The following KIAA1328 variants were observed in gnomAD, a reference collection of about 807,000 sequenced individuals.
KIAA1328 encodes protein hinderin.
Under a neutral mutation model 68.1 loss-of-function variants are expected in KIAA1328, and 52 were observed. The observed-to-expected ratio is 0.76, with a 90% CI of 0.61 to 0.96. The LOEUF is 0.96. Ranked by LOEUF, KIAA1328 falls within the 40% of genes least tolerant of loss-of-function variation. The probability of loss-of-function intolerance (pLI) is 0.00; values close to 1 mark genes in which losing one functional copy is unlikely to be tolerated. For missense variants in KIAA1328, 641 were observed against 677.6 expected, an observed-to-expected ratio of 0.95 and a Z score of 0.60; for synonymous variants, 232 against 239.4, an observed-to-expected ratio of 0.97 and a Z score of 0.28.
intron 6 of KIAA1328, among the ~76,000 whole-genome samples, chr18:37,050,247 GA>G (rs113984998): frequency 6.6e-6 from 1 of 151,892 alleles, no homozygotes; most frequent in Non-Finnish European, 1.5e-5. Flanking sequence ...AAAGGAAAAA[GA>G]AAAAAGGTCT....
At chr18:37,076,313 C>T (rs2056733470) in intron 7 of KIAA1328, among the ~76,000 whole-genome samples, 1 of 152,104 alleles carries the variant, frequency 6.6e-6, no homozygotes, top group African/African-American at 2.4e-5. Context: ...ATACCAGAAT[C>T]TCTGGGACAC....
chr18:36,912,196 A>G (rs2049480019), intron 5 of KIAA1328, among the ~76,000 whole-genome samples: 1 of 152,152 alleles, frequency 6.6e-6, no homozygotes, highest in East Asian at 1.9e-4. Flanking sequence ...AACACAAAAG[A>G]AATTCTTATC....
intron 5 of KIAA1328, among the ~76,000 whole-genome samples, chr18:36,948,577 T>G (rs2051006045): frequency 7.2e-6 from 1 of 138,054 alleles, no homozygotes; most frequent in Non-Finnish European, 1.5e-5. Flanking sequence ...TTTGAGACAG[T>G]CTCACTCTGT....
chr18:37,203,217 A>C (rs1156534039), intron 9 of KIAA1328, among the ~76,000 whole-genome samples: 2 of 152,098 alleles, frequency 1.3e-5, no homozygotes, highest in Non-Finnish European at 2.9e-5. Context: ...TTATAAACAG[A>C]TCCACCCAAT....
chr18:37,028,953 TTCA>T (rs2054708392), intron 6 of KIAA1328, among the ~76,000 whole-genome samples: 1 of 152,154 alleles, frequency 6.6e-6, no homozygotes, highest in South Asian at 2.1e-4. Context: ...TGCAACTATG[TTCA>T]TCAGGGATGT....
In KIAA1328 at chr18:37,222,167, G is replaced by A; in HGVS notation, c.1674G>A (p.Met558Ile). ...AATCAACCCGGAAGAAGATGGGGAT[G>A]CACAGAACCCCTGAAGAGTTGGAGG... ...PLKSTRKKMG[M>I]HRTPEELEEN... is the part of the protein sequence containing the mutation. The change falls in exon 10 of 10, where the codon ATG becomes ATA. Residue 558 changes from methionine to isoleucine, a missense_variant. Coordinates refer to ENST00000280020, the MANE Select transcript of KIAA1328 (RefSeq NM_020776.3). 1.2e-6 allele frequency: 2 copies of A among 1,604,690 alleles called. No individual in the cohort carries two copies. Among genetic ancestry groups the A allele is most frequent in the Non-Finnish European group, 1.7e-6 (2 of 1,175,190 alleles).
chr18:36,873,519 C>G (rs1053419818), intron 4 of KIAA1328, among the ~76,000 whole-genome samples: 2 of 151,960 alleles, frequency 1.3e-5, no homozygotes, highest in African/African-American at 2.4e-5. Flanking sequence ...TTGAGAGTCA[C>G]TAGATCAAGG....
At chr18:37,113,837 A>G (rs533782624) in intron 7 of KIAA1328, among the ~76,000 whole-genome samples, 44 of 152,284 alleles carry the variant, frequency 2.9e-4, no homozygotes, top group African/African-American at 1.0e-3. Context: ...ATGGAAAACA[A>G]AAAAAAGCAG....
intron 7 of KIAA1328, among the ~76,000 whole-genome samples, chr18:37,113,894 T>G (rs13313647): frequency 0.032 from 4,892 of 152,046 alleles, 269 homozygotes; most frequent in African/African-American, 0.11. Flanking sequence ...AACCAACTAA[T>G]ATCAAAAGAG....
At chr18:37,029,517 A>T (rs1454972847) in intron 6 of KIAA1328, among the ~76,000 whole-genome samples, 1 of 152,076 alleles carries the variant, frequency 6.6e-6, no homozygotes, top group Non-Finnish European at 1.5e-5. Flanking sequence ...GGGACCACAG[A>T]CAAGCACCAC....
chr18:36,937,189 C>T (rs1031114237), intron 5 of KIAA1328, among the ~76,000 whole-genome samples: 1 of 152,164 alleles, frequency 6.6e-6, no homozygotes, highest in African/African-American at 2.4e-5. Context: ...CCCTTGCTTA[C>T]ACCCTATACA....
At chr18:37,141,082 A>G (rs1349576123) in intron 7 of KIAA1328, among the ~76,000 whole-genome samples, 1 of 152,172 alleles carries the variant, frequency 6.6e-6, no homozygotes, top group East Asian at 1.9e-4. Context: ...CTTCAACTTT[A>G]TTGTTAATCA....
chr18:37,056,179 A>G (rs1199128152), intron 6 of KIAA1328, among the ~76,000 whole-genome samples: 1 of 152,200 alleles, frequency 6.6e-6, no homozygotes, highest in Non-Finnish European at 1.5e-5. Flanking sequence ...TCATAAGAAT[A>G]GTATGTGATT....
chr18:37,200,711 T>C (rs2060093789), intron 9 of KIAA1328, among the ~76,000 whole-genome samples: 1 of 150,420 alleles, frequency 6.6e-6, no homozygotes, highest in African/African-American at 2.5e-5. Flanking sequence ...CTCGGGAGGC[T>C]GAGGCAGGAG....
intron 7 of KIAA1328, among the ~76,000 whole-genome samples, chr18:37,089,059 G>T (rs2057189820): frequency 6.6e-6 from 1 of 151,668 alleles, no homozygotes; most frequent in Admixed American, 6.6e-5. Flanking sequence ...GTACATAATG[G>T]TTATTTATCA....
In KIAA1328 at chr18:36,844,190, A is replaced by C; in HGVS notation, c.238-18A>C. 6.7e-7 allele frequency: 1 copy of C among 1,500,998 alleles called. No individual in the cohort carries two copies. The allele number at this position is 1,500,998 out of a possible 1,614,324, so 93.0% of individuals were successfully genotyped here. On this transcript the variant is annotated intron_variant, in intron 3 of 9. Transcript: ENST00000280020. ...AATTGGTTTTAGAAAAAGTGTAACT[A>C]AATTTTTTTTTTTTAAGAATTCCTG...
intron 6 of KIAA1328, among the ~76,000 whole-genome samples, chr18:37,057,427 ATTTT>A (rs529618213): frequency 4.3e-5 from 6 of 137,998 alleles, no homozygotes; most frequent in Admixed American, 7.2e-5. Flanking sequence ...AATTGCATGA[ATTTT>A]TTTTTTTTTT....
At chr18:37,123,800 A>G (rs1407363815) in intron 7 of KIAA1328, among the ~76,000 whole-genome samples, 2 of 152,198 alleles carry the variant, frequency 1.3e-5, no homozygotes, top group Admixed American at 6.5e-5. Flanking sequence ...AAAGCAAAGG[A>G]TAGGTGAGGT....
intron 7 of KIAA1328, chr18:37,074,956 C>T (rs1036683496): frequency 6.6e-6 from 1 of 151,970 alleles, no homozygotes; most frequent in Non-Finnish European, 1.5e-5. Context: ...GGCAGGCCAA[C>T]ATTCAGATTC....
Sources: gnomAD v4.1 joint callset for allele counts (sites outside exome capture counted in the v4.1 genomes callset) on GRCh38, gnomAD v4.1.1 for gene constraint, MANE v1.5 for transcripts, NCBI Gene and HGNC (gene_info 2026-07-23, HGNC 2026-07-21) for gene names.